The following RBFOX3 variants were observed in gnomAD, a reference collection of about 807,000 sequenced individuals.
RBFOX3 encodes RNA binding fox-1 homolog 3, also known as RNA binding protein fox-1 homolog 3.
RBFOX3 carries 17 observed loss-of-function variants against 48.7 expected under a neutral mutation model. That is an observed-to-expected ratio of 0.35 (90% CI 0.24 to 0.52). The LOEUF is 0.52. Ranked by LOEUF, RBFOX3 falls within the 20% of genes least tolerant of loss-of-function variation. The probability of loss-of-function intolerance (pLI) is 0.94; values close to 1 mark genes in which losing one functional copy is unlikely to be tolerated. For synonymous variants in RBFOX3, 212 were observed against 209.5 expected (o/e 1.01, Z -0.10); for missense variants, 382 against 497.5 (o/e 0.77, Z 2.21).
intron 4 of RBFOX3, among the ~76,000 whole-genome samples, chr17:79,137,586 C>T (rs762968779): frequency 6.6e-6 from 1 of 152,186 alleles, no homozygotes; most frequent in Non-Finnish European, 1.5e-5. Flanking sequence ...CCACTGCCTG[C>T]CCCCCGGGGC....
chr17:79,148,832 A>G (rs2043645368), intron 4 of RBFOX3, among the ~76,000 whole-genome samples: 1 of 152,210 alleles, frequency 6.6e-6, no homozygotes, highest in African/African-American at 2.4e-5. Context: ...GGGTAGGCTA[A>G]GGCCAAAGTC....
chr17:79,096,624 AC>A, intron 12 of RBFOX3, 28 bp downstream of exon 12: 2 of 916,586 alleles, frequency 2.2e-6, no homozygotes, highest in Non-Finnish European at 1.7e-6. Flanking sequence ...GCCTGATCCC[AC>A]CCTCCCTCCC....
At chr17:79,626,658 A>C in the RBFOX3 span, among the ~76,000 whole-genome samples, 1 of 152,228 alleles carries the variant, frequency 6.6e-6, no homozygotes, top group Non-Finnish European at 1.5e-5. Flanking sequence ...GATGGGATAT[A>C]CACAGAAGTG....
chr17:79,521,618 C>T lies in RBFOX3; in HGVS notation c.-319-39020G>A, dbSNP rs1273180940. On this transcript the variant is annotated intron_variant, in intron 1 of 14. Coordinates refer to ENST00000693108, the MANE Select transcript of RBFOX3 (RefSeq NM_001350451.2). ...ACATGCAGACACGTGTAGACACACACACAGACATACTCATATACACTCACA... is the reference window on the plus strand; with the variant it reads ...ACATGCAGACACGTGTAGACACACATACAGACATACTCATATACACTCACA... Among the ~76,000 whole-genome samples the T allele has an allele frequency of 3.9e-5, 6 of 152,266 alleles. No individual in the cohort carries two copies. The South Asian group carries it at 1.2e-3, about 32-fold the overall frequency.
the RBFOX3 span, among the ~76,000 whole-genome samples, chr17:79,649,543 G>T: frequency 0.29 from 44,742 of 151,988 alleles, 8,616 homozygotes; most frequent in African/African-American, 0.55. Context: ...CCGTCTCTAC[G>T]AAAAATACAA....
At chr17:79,402,800 G>C (rs1328230897) in intron 2 of RBFOX3, among the ~76,000 whole-genome samples, 1 of 152,202 alleles carries the variant, frequency 6.6e-6, no homozygotes, top group Non-Finnish European at 1.5e-5. Context: ...TGCACCCTCT[G>C]CCTCTGACCC....
intron 2 of RBFOX3, among the ~76,000 whole-genome samples, chr17:79,439,894 T>C (rs2070482201): frequency 6.6e-6 from 1 of 152,194 alleles, no homozygotes; most frequent in Non-Finnish European, 1.5e-5. Flanking sequence ...CTGTTATGAA[T>C]AATCCAGAAC....
chr17:79,334,166 T>C (rs905752381), intron 2 of RBFOX3, among the ~76,000 whole-genome samples: 1 of 152,126 alleles, frequency 6.6e-6, no homozygotes, highest in Non-Finnish European at 1.5e-5. Flanking sequence ...CCCAGTTCCT[T>C]CCCCACACCT....
At chr17:79,225,176 A>G (rs1045878153) in intron 4 of RBFOX3, among the ~76,000 whole-genome samples, 4 of 152,086 alleles carry the variant, frequency 2.6e-5, no homozygotes, top group African/African-American at 9.7e-5. Flanking sequence ...TGGCTTGCAC[A>G]GTCAACCTCT....
chr17:79,413,102 AG>A (rs951904934), intron 2 of RBFOX3, among the ~76,000 whole-genome samples: 2 of 152,180 alleles, frequency 1.3e-5, no homozygotes, highest in Non-Finnish European at 2.9e-5. Context: ...GGAGGGGGAA[AG>A]GGGGAACTGC....
At chr17:79,317,774 A>C (rs1209843846) in intron 2 of RBFOX3, among the ~76,000 whole-genome samples, 3 of 152,074 alleles carry the variant, frequency 2.0e-5, no homozygotes, top group African/African-American at 7.2e-5. Flanking sequence ...AAAAAGTTGC[A>C]ATGTTCGATG....
chr17:79,104,347 G>C (rs1244882696), intron 6 of RBFOX3, among the ~76,000 whole-genome samples: 1 of 152,152 alleles, frequency 6.6e-6, no homozygotes, highest in Non-Finnish European at 1.5e-5. Flanking sequence ...GGTGCCCAAG[G>C]CATCACCAAG....
At chr17:79,591,020 G>A (rs1243216007) in intron 1 of RBFOX3, among the ~76,000 whole-genome samples, 1 of 152,204 alleles carries the variant, frequency 6.6e-6, no homozygotes, top group Admixed American at 6.5e-5. Context: ...GCCCTCGGAG[G>A]GACGAGAAGT....
At chr17:79,171,830 G>A (rs912691607) in intron 4 of RBFOX3, among the ~76,000 whole-genome samples, 2 of 149,934 alleles carry the variant, frequency 1.3e-5, no homozygotes, top group African/African-American at 4.9e-5. Context: ...ACACCCAGCT[G>A]TAATATTTAA....
At chr17:79,409,083 G>T (rs138494170) in intron 2 of RBFOX3, among the ~76,000 whole-genome samples, 1,645 of 152,232 alleles carry the variant, frequency 0.011, 17 homozygotes, top group Middle Eastern at 0.027. Context: ...TCATATAAAT[G>T]GAATCATACA....
chr17:79,403,009 TGTGGGAAGGGCTGACCCTCCCACCAG>T (rs1021786705), intron 2 of RBFOX3, among the ~76,000 whole-genome samples: 2 of 152,154 alleles, frequency 1.3e-5, no homozygotes, highest in African/African-American at 4.8e-5. Flanking sequence ...TCTGCTCTGC[TGTGGGAAGGGCTGACCCTCCCACCAG>T]GCACACTAAC....
At chr17:79,366,466 T>C (rs923653480) in intron 2 of RBFOX3, among the ~76,000 whole-genome samples, 22 of 152,206 alleles carry the variant, frequency 1.4e-4, no homozygotes, top group African/African-American at 5.3e-4. Context: ...GATTTTATGG[T>C]ATATTATGCC....
intron 3 of RBFOX3, among the ~76,000 whole-genome samples, chr17:79,288,855 G>A (rs553161054): frequency 6.6e-6 from 1 of 151,670 alleles, no homozygotes; most frequent in African/African-American, 2.4e-5. Context: ...ATAGGGAGAA[G>A]TAGAGTGTTC....
In RBFOX3 at chr17:79,571,808, G is replaced by C. The variant is rs896324990; in HGVS notation, c.-320+39018C>G. On this transcript the variant is annotated intron_variant, in intron 1 of 14. Coordinates refer to ENST00000693108, the MANE Select transcript of RBFOX3 (RefSeq NM_001350451.2). ...CTCCTTGAGTAGACTCTAATCCAAG[G>C]ATCCCTCAAGGAGGGAATGAGGTAG... Among the ~76,000 whole-genome samples, 128 of 152,168 alleles carry C rather than the reference G, an allele frequency of 8.4e-4. 4 individuals are homozygous for C. The South Asian group carries it at 0.019, about 23-fold the overall frequency.
Sources: allele counts gnomAD v4.1 joint callset (sites outside exome capture counted in the v4.1 genomes callset), GRCh38; gene constraint gnomAD v4.1.1; transcripts MANE v1.5; gene names NCBI Gene and HGNC (gene_info 2026-07-23, HGNC 2026-07-21).